The following CRADD variants were observed in gnomAD, a reference collection of about 807,000 sequenced individuals.
CRADD encodes the protein CARD and death domain containing adaptor protein, also known as death domain-containing protein CRADD.
CRADD carries 9 observed loss-of-function variants against 15.5 expected under a neutral mutation model. That is an observed-to-expected ratio of 0.58 (90% CI 0.35 to 1.01). The LOEUF (loss-of-function observed/expected upper bound fraction) is 1.01, where lower values mean the gene tolerates loss of function less well. Ranked by LOEUF, CRADD falls within the 50% of genes least tolerant of loss-of-function variation. The pLI is 0.02. For missense variants in CRADD, 227 were observed against 250.3 expected (o/e 0.91, Z 0.63); for synonymous variants, 118 against 107.6 (o/e 1.10, Z -0.60).
chr12:93,692,812 C>T (rs574237430), intron 2 of CRADD, among the ~76,000 whole-genome samples: 220 of 152,256 alleles, frequency 1.4e-3, no homozygotes, highest in South Asian at 2.1e-3. Context: ...AATTTGGAAT[C>T]TCCAATACTG....
intron 2 of CRADD, among the ~76,000 whole-genome samples, chr12:93,872,730 TG>T (rs1191737787): frequency 6.6e-6 from 1 of 152,156 alleles, no homozygotes; most frequent in Non-Finnish European, 1.5e-5. Flanking sequence ...TGTGTGTATT[TG>T]TTTCTGAGTT....
intron 2 of CRADD, among the ~76,000 whole-genome samples, chr12:93,828,900 C>T (rs1957857016): frequency 6.6e-6 from 1 of 152,034 alleles, no homozygotes; most frequent in African/African-American, 2.4e-5. Flanking sequence ...TCATTTTGAT[C>T]GGGAGTGATT....
intron 2 of CRADD, among the ~76,000 whole-genome samples, chr12:93,873,316 T>G (rs1958435606): frequency 6.6e-6 from 1 of 152,154 alleles, no homozygotes; most frequent in Non-Finnish European, 1.5e-5. Flanking sequence ...TGTGGAGTCT[T>G]TAGGTTTTTC....
At chr12:93,879,303 TAA>T (rs1958478908) in intron 2 of CRADD, among the ~76,000 whole-genome samples, 1 of 152,220 alleles carries the variant, frequency 6.6e-6, no homozygotes, top group Admixed American at 6.5e-5. Context: ...GGAAGCTTAA[TAA>T]AATTACTTGA....
At chr12:93,807,616 C>G (rs1377583533) in intron 2 of CRADD, among the ~76,000 whole-genome samples, 1 of 151,836 alleles carries the variant, frequency 6.6e-6, no homozygotes, top group Non-Finnish European at 1.5e-5. Context: ...GGTGGAGAGA[C>G]AGAGAAAATA....
chr12:93,805,801 G>A (rs1957530678), intron 2 of CRADD, among the ~76,000 whole-genome samples: 1 of 152,104 alleles, frequency 6.6e-6, no homozygotes, highest in Admixed American at 6.6e-5. Flanking sequence ...GGAACAATGT[G>A]TAGCAAATGC....
At chr12:93,733,895 C>T (rs912839591) in intron 2 of CRADD, among the ~76,000 whole-genome samples, 13 of 151,962 alleles carry the variant, frequency 8.6e-5, no homozygotes, top group Non-Finnish European at 1.5e-5. Context: ...GCTACCACAC[C>T]CTGCTAAATT....
intron 2 of CRADD, among the ~76,000 whole-genome samples, chr12:93,818,873 G>A (rs1957738503): frequency 6.6e-6 from 1 of 152,202 alleles, no homozygotes; most frequent in Non-Finnish European, 1.5e-5. Context: ...CACAGCATTC[G>A]TGCCATAGCA....
chr12:93,783,458 AT>A (rs772405806), intron 2 of CRADD, among the ~76,000 whole-genome samples: 1 of 151,966 alleles, frequency 6.6e-6, no homozygotes. Flanking sequence ...ATTTTAAACA[AT>A]GAGTAAATTA....
intron 2 of CRADD, among the ~76,000 whole-genome samples, chr12:93,864,223 T>G (rs1319289851): frequency 6.6e-6 from 1 of 152,162 alleles, no homozygotes; most frequent in East Asian, 1.9e-4. Context: ...CTGGCTCATT[T>G]TTATATTTTT....
intron 2 of CRADD, among the ~76,000 whole-genome samples, chr12:93,757,785 G>A (rs1485936262): frequency 3.9e-5 from 6 of 152,150 alleles, no homozygotes; most frequent in African/African-American, 1.2e-4. Flanking sequence ...AAAAAAAAGT[G>A]CAGGGGAGTG....
chr12:93,872,505 CA>C (rs1958429558), intron 2 of CRADD, among the ~76,000 whole-genome samples: 1 of 152,090 alleles, frequency 6.6e-6, no homozygotes, highest in African/African-American at 2.4e-5. Context: ...AGATTTTCGC[CA>C]ATGTTTTCTT....
intron 2 of CRADD, among the ~76,000 whole-genome samples, chr12:93,872,951 T>C (rs1958433375): frequency 6.6e-6 from 1 of 152,144 alleles, no homozygotes; most frequent in South Asian, 2.1e-4. Flanking sequence ...AAGAATATCA[T>C]TGGTATTTTG....
At chr12:93,749,231 C>T (rs1022895548) in intron 2 of CRADD, among the ~76,000 whole-genome samples, 8 of 152,258 alleles carry the variant, frequency 5.3e-5, no homozygotes, top group Non-Finnish European at 7.3e-5. Context: ...ATGCCAGTAG[C>T]CTCCTAGCTA....
chr12:93,728,416 T>C (rs1033220995), intron 2 of CRADD, among the ~76,000 whole-genome samples: 8 of 152,250 alleles, frequency 5.3e-5, no homozygotes, highest in African/African-American at 1.9e-4. Context: ...ACATGTTCAT[T>C]GGTGAAACGA....
At position 93,743,118 on chromosome 12, in the gene CRADD, G is replaced by A. The variant is rs950286564; in HGVS notation, c.298+64046G>A. On this transcript the variant is annotated intron_variant, in intron 2 of 2. Transcript: ENST00000332896. ...CTAATATTAAATTTAATGAATTAAT[G>A]TGGCGTATAGAGTAATAGTAACTTA... is the stretch of plus-strand genomic sequence containing the variant. Among the ~76,000 whole-genome samples, 9 of 152,100 alleles carry A rather than the reference G, an allele frequency of 5.9e-5. No individual in the cohort carries two copies. The East Asian group carries it at 1.5e-3, about 26-fold the overall frequency.
At chr12:93,799,272 T>G (rs1957452702) in intron 2 of CRADD, among the ~76,000 whole-genome samples, 1 of 152,212 alleles carries the variant, frequency 6.6e-6, no homozygotes, top group Non-Finnish European at 1.5e-5. Context: ...TGATTTTACT[T>G]TCTGAGGTTA....
intron 2 of CRADD, among the ~76,000 whole-genome samples, chr12:93,868,793 C>T (rs1958393345): frequency 6.6e-6 from 1 of 152,028 alleles, no homozygotes; most frequent in Non-Finnish European, 1.5e-5. Context: ...ACATCCACCA[C>T]CTGCAGAAAA....
chr12:93,806,451 C>CAA (rs59372325), intron 2 of CRADD, among the ~76,000 whole-genome samples: 74 of 58,922 alleles, frequency 1.3e-3, no homozygotes, highest in Non-Finnish European at 1.7e-3. Context: ...GACTCCATCT[C>CAA]AAAAAAAAAA....
Sources: allele counts gnomAD v4.1 joint callset (sites outside exome capture counted in the v4.1 genomes callset), GRCh38; gene constraint gnomAD v4.1.1; transcripts MANE v1.5; gene names NCBI Gene and HGNC (gene_info 2026-07-23, HGNC 2026-07-21).